EMC4: variants seen among roughly 807,000 people sequenced by gnomAD.
EMC4 encodes the protein cell proliferation-inducing gene 17 protein.
A neutral mutation model predicts 24.2 loss-of-function variants in EMC4; 9 were observed. That is an observed-to-expected ratio of 0.37 (90% confidence interval 0.22 to 0.65). EMC4 has a LOEUF of 0.65. EMC4 is among the 30% of genes least tolerant of loss of function. The pLI, the probability that EMC4 is intolerant of heterozygous loss-of-function variation, is 0.59. For synonymous variants in EMC4, 86 were observed against 81.1 expected (o/e 1.06, Z -0.32); for missense variants, 169 against 234.6 (o/e 0.72, Z 1.83).
chr15:34,227,882 T>C (rs377024481), intron 3 of EMC4, 36 bp downstream of exon 3: 187 of 1,602,888 alleles, frequency 1.2e-4, no homozygotes, highest in Non-Finnish European at 1.5e-4. Flanking sequence ...TTCCATAAGT[T>C]TGAAGAATTA....
chr15:34,230,032 TAC>T lies in EMC4; in HGVS notation c.*246_*247del, dbSNP rs1289034698. On this transcript the variant is annotated 3_prime_UTR_variant, in exon 5 of 5. Coordinates refer to ENST00000267750, the MANE Select transcript of EMC4 (RefSeq NM_016454.4). Reference sequence around the variant, plus strand: ...TAGAAAACTTTATTTTTGTTTCCAGTACAGAGCAAAACAACAACAAAAAAACA... The same window carrying T: ...TAGAAAACTTTATTTTTGTTTCCAGTAGAGCAAAACAACAACAAAAAAACA... The T allele has an allele frequency of 2.0e-6, 1 of 502,092 alleles. No individual in the cohort carries two copies. Among genetic ancestry groups the T allele is most frequent in the African/African-American group, 2.0e-5 (1 of 50,552 alleles). 31.1% of individuals were successfully genotyped at this position (502,092 alleles called of 1,614,324 possible).
intron 2 of EMC4, 98 bp from the exon 3 acceptor site, chr15:34,227,595 A>C: frequency 7.7e-7 from 1 of 1,295,860 alleles, no homozygotes; most frequent in Non-Finnish European, 1.1e-6. Context: ...AGAAGCAGGG[A>C]GTTGGGAATT....
chr15:34,225,417 C>T (rs543343845), intron 1 of EMC4, 119 bp from the exon 2 acceptor site: 2 of 859,458 alleles, frequency 2.3e-6, no homozygotes, highest in Admixed American at 2.1e-5. Context: ...TACGAGGGGG[C>T]TTGGTCTAAT....
Position 34,229,780 on chromosome 15 carries a change from C to G in EMC4, c.544C>G (p.Leu182Val). The change falls in exon 5 of 5, where the codon CTT becomes GTT. Residue 182 changes from leucine (L) to valine (V), a missense_variant. By Grantham distance (32) the Leu-to-Val change is conservative. Coordinates refer to ENST00000267750, the MANE Select transcript of EMC4 (RefSeq NM_016454.4). The part of the protein sequence containing the change: ...ERMEFSGGGL[L>V]L ...AATGGAGTTCAGTGGTGGAGGACTG[C>G]TTTTGTGAACATGAGAAAGCAGCGC... 1 of 1,608,658 alleles carries G rather than the reference C, an allele frequency of 6.2e-7. No homozygotes were observed. The highest frequency in any genetic ancestry group is 8.5e-7 in the Non-Finnish European group (1 of 1,177,282).
chr15:34,225,549 C>A lies in EMC4; in HGVS notation c.100C>A (p.Arg34=). 3 of 1,613,846 alleles carry A rather than the reference C, an allele frequency of 1.9e-6. No homozygotes were observed. The highest frequency in any genetic ancestry group is 2.5e-6 in the Non-Finnish European group (3 of 1,179,844). The change falls in exon 2 of 5, where the codon CGG becomes AGG. Residue 34 remains arginine, a synonymous_variant. Transcript: ENST00000267750. ...TTGGTTTTTTAGGGGTCGAAGTGACCGGGGCAGTGGCCAGGGAGACTCGCT... is the reference window on the plus strand; with the variant it reads ...TTGGTTTTTTAGGGGTCGAAGTGACAGGGGCAGTGGCCAGGGAGACTCGCT... ...PGGGSRGRSD[R]GSGQGDSLYP...
At chr15:34,228,251 G>A (rs1040057739) in intron 3 of EMC4, 178 bp from the exon 4 acceptor site, 2 of 624,192 alleles carry the variant, frequency 3.2e-6, no homozygotes, top group African/African-American at 1.8e-5. Context: ...TAGGGGAGTG[G>A]GGTAATGGTG....
Position 34,226,124 on chromosome 15 carries a change from T to TCCTTGAACTCCTGA in EMC4, c.201+475_201+476insCTTGAACTCCTGAC, listed in dbSNP as rs1382077683. The TCCTTGAACTCCTGA allele has an allele frequency of 2.2e-5, 6 of 277,176 alleles. No homozygotes were observed. In the East Asian group the frequency reaches 5.3e-4, roughly 24 times the overall value. The allele number at this position is 277,176 out of a possible 1,614,324, so 17.2% of individuals were successfully genotyped here. A position where few individuals can be genotyped will look rare whatever the true frequency, so the allele number is the denominator to read the frequency against. On this transcript the variant is annotated intron_variant, in intron 2 of 4. Transcript: ENST00000267750. ...CCAGGCTGGTCTTGAACTCCTGACC[T>TCCTTGAACTCCTGA]CAGGTGATCCATCCGCCTTGGCCTT...
chr15:34,227,890 T>G, intron 3 of EMC4, 44 bp downstream of exon 3: 1 of 1,597,410 alleles, frequency 6.3e-7, no homozygotes, highest in South Asian at 1.1e-5. Flanking sequence ...GTTTGAAGAA[T>G]TAAAGGCAGG....
chr15:34,228,650 C>A, intron 4 of EMC4, 61 bp downstream of exon 4: 37 of 1,024,980 alleles, frequency 3.6e-5, no homozygotes, highest in Non-Finnish European at 4.9e-5. Context: ...AGCTGACCTA[C>A]TTGATGGTAG....
intron 3 of EMC4, 156 bp downstream of exon 3, chr15:34,228,002 G>T: frequency 1.4e-6 from 1 of 690,552 alleles, no homozygotes; most frequent in Non-Finnish European, 2.3e-6. Context: ...GGCCAACATG[G>T]TGAAACCTTG....
At position 34,227,890 on chromosome 15, in the gene EMC4, T is replaced by C. The variant is rs770786584; in HGVS notation, c.355+44T>C. ...ATAACCCTTCCATAAGTTTGAAGAA[T>C]TAAAGGCAGGCCGGGCATGGTGGCT... On this transcript the variant is annotated intron_variant, in intron 3 of 4. Transcript: ENST00000267750. 5.0e-6 allele frequency: 8 copies of C among 1,597,292 alleles called. No homozygotes were observed. The East Asian group carries it at 1.6e-4, about 31-fold the overall frequency.
intron 3 of EMC4, 113 bp from the exon 4 acceptor site, chr15:34,228,316 T>C (rs1011119659): frequency 2.5e-5 from 27 of 1,091,086 alleles, no homozygotes; most frequent in Non-Finnish European, 3.5e-5. Context: ...CCTTTAATGG[T>C]CCTATTTGCT....
Sources: gnomAD v4.1 joint callset for allele counts on GRCh38, gnomAD v4.1.1 for gene constraint, MANE v1.5 for transcripts, NCBI Gene and HGNC (gene_info 2026-07-23, HGNC 2026-07-21) for gene names.